Variants in LYRM1 observed in about 807,000 individuals in gnomAD.
LYRM1 encodes the protein LYR motif-containing protein 1.
Under a neutral mutation model 14.9 loss-of-function variants are expected in LYRM1, and 14 were observed. That is an observed-to-expected ratio of 0.94 (90% CI 0.62 to 1.47). The LOEUF (loss-of-function observed/expected upper bound fraction) is 1.47, where lower values mean the gene tolerates loss of function less well. LYRM1 is among the 40% of genes most tolerant of loss of function. LYRM1 has a pLI of 0.00. For missense variants in LYRM1, 153 were observed against 149.9 expected (o/e 1.02, Z -0.11); for synonymous variants, 43 against 56.2 (o/e 0.77, Z 1.05).
chr16:20,918,788 T>C (rs2083040012), intron 2 of LYRM1, among the ~76,000 whole-genome samples: 2 of 152,170 alleles, frequency 1.3e-5, no homozygotes, highest in Non-Finnish European at 2.9e-5. Flanking sequence ...AATGGGAACA[T>C]GGAACTCTTT....
chr16:20,910,501 G>C (rs2082536476), intron 1 of LYRM1, among the ~76,000 whole-genome samples: 3 of 152,316 alleles, frequency 2.0e-5, no homozygotes, highest in East Asian at 1.9e-4. Context: ...TACCTTGAGG[G>C]TATTAACCTA....
intron 1 of LYRM1, among the ~76,000 whole-genome samples, chr16:20,906,984 G>A (rs1292226964): frequency 6.6e-6 from 1 of 152,024 alleles, no homozygotes; most frequent in Middle Eastern, 3.2e-3. Flanking sequence ...TAGACTGATC[G>A]CTGCCCATTA....
At chr16:20,903,759 C>T (rs1020337322) in intron 1 of LYRM1, among the ~76,000 whole-genome samples, 9 of 151,488 alleles carry the variant, frequency 5.9e-5, no homozygotes, top group African/African-American at 1.9e-4. Flanking sequence ...GACCCCTGCA[C>T]AGAATGTGGT....
At chr16:20,920,900 A>C (rs2083151604) in intron 3 of LYRM1, among the ~76,000 whole-genome samples, 1 of 149,720 alleles carries the variant, frequency 6.7e-6, no homozygotes, top group Non-Finnish European at 1.5e-5. Flanking sequence ...AAAATAAATA[A>C]AACTTAAATT....
intron 1 of LYRM1, among the ~76,000 whole-genome samples, 195 bp from the exon 2 acceptor site, chr16:20,915,361 G>T (rs531121909): frequency 2.2e-4 from 33 of 151,840 alleles, no homozygotes; most frequent in African/African-American, 7.5e-4. Flanking sequence ...TCGGGCGGCT[G>T]AGGCAGGAGA....
chr16:20,905,880 A>C (rs1018746724), intron 1 of LYRM1, among the ~76,000 whole-genome samples: 1 of 152,202 alleles, frequency 6.6e-6, no homozygotes, highest in South Asian at 2.1e-4. Context: ...GTTAATTAGT[A>C]TTTAACCCTT....
At chr16:20,919,403 T>C (rs1269494242) in intron 2 of LYRM1, among the ~76,000 whole-genome samples, 1 of 152,196 alleles carries the variant, frequency 6.6e-6, no homozygotes, top group African/African-American at 2.4e-5. Flanking sequence ...GGTAGGAATG[T>C]AAATTGGTGT....
chr16:20,909,657 A>C (rs2082491154), intron 1 of LYRM1, among the ~76,000 whole-genome samples: 1 of 152,254 alleles, frequency 6.6e-6, no homozygotes, highest in South Asian at 2.1e-4. Flanking sequence ...CAAGCCATTA[A>C]ATCCATATTC....
At chr16:20,906,208 G>A (rs144215188) in intron 1 of LYRM1, among the ~76,000 whole-genome samples, 21 of 152,242 alleles carry the variant, frequency 1.4e-4, no homozygotes, top group Middle Eastern at 3.4e-3. Flanking sequence ...GCACATAGCC[G>A]GGACACTGAC....
At chr16:20,923,511 A>AG (rs1219610685) in intron 3 of LYRM1, among the ~76,000 whole-genome samples, 7 of 150,932 alleles carry the variant, frequency 4.6e-5, no homozygotes, top group Non-Finnish European at 1.0e-4. Context: ...AAAAAAAAAA[A>AG]AAGAAAGAAA....
In LYRM1 at chr16:20,900,864, G is replaced by T. The variant is rs1005428098; in HGVS notation, c.-26G>T. On this transcript the variant is annotated 5_prime_UTR_variant, in exon 1 of 4. Transcript: ENST00000567954. The stretch of plus-strand genomic sequence containing the variant: ...CGCCGCGGGCTGCGCGCTTCTGTGG[G>T]TGGGGGAAGGCAGGACTGACGCAGA... 1.3e-5 allele frequency: 2 copies of T among 153,280 alleles called. No individual in the cohort carries two copies. The highest frequency in any genetic ancestry group is 4.8e-5 in the African/African-American group (2 of 41,460). The allele number at this position is 153,280 out of a possible 1,614,324, so 9.5% of individuals were successfully genotyped here. A position where few individuals can be genotyped will look rare whatever the true frequency, so the allele number is the denominator to read the frequency against.
chr16:20,917,666 G>A (rs1320552169), intron 2 of LYRM1, among the ~76,000 whole-genome samples: 1 of 152,188 alleles, frequency 6.6e-6, no homozygotes, highest in Admixed American at 6.5e-5. Flanking sequence ...GCTGAGGCAC[G>A]AGAATTTCTT....
chr16:20,904,694 TGTG>T (rs1567442595), intron 1 of LYRM1, among the ~76,000 whole-genome samples: 52 of 146,946 alleles, frequency 3.5e-4, no homozygotes, highest in African/African-American at 9.3e-4. Flanking sequence ...TCTGTGGTTG[TGTG>T]TGTGTGTGTG....
At chr16:20,921,726 A>G (rs888905611) in intron 3 of LYRM1, 5 of 140,750 alleles carry the variant, frequency 3.6e-5, no homozygotes, top group African/African-American at 5.1e-5. Context: ...AAAAAAAAAA[A>G]AAAAAAATTT....
rs1448207061 is a variant in LYRM1 at position 20,901,270 on chromosome 16, C to T, written c.-1+381C>T. The T allele has an allele frequency of 6.6e-6, 1 of 152,314 alleles. No individual in the cohort carries two copies. Among genetic ancestry groups the T allele is most frequent in the Non-Finnish European group, 1.5e-5 (1 of 68,128 alleles). 9.4% of individuals were successfully genotyped at this position (152,314 alleles called of 1,614,324 possible). On this transcript the variant is annotated intron_variant, in intron 1 of 3. Coordinates refer to ENST00000567954, the MANE Select transcript of LYRM1 (RefSeq NM_001128302.3). This position sits in a 1 kb window ranked among gnomAD's most constrained non-coding sequence, Gnocchi z 4.6. The stretch of plus-strand genomic sequence containing the variant: ...AGGTCCCGTACAGGAACGGAGACTC[C>T]CTAGGACCGTGAGAGCCAGCTTCGT...
intron 1 of LYRM1, among the ~76,000 whole-genome samples, chr16:20,913,732 A>G (rs992624191): frequency 4.6e-5 from 7 of 152,188 alleles, no homozygotes; most frequent in African/African-American, 1.7e-4. Flanking sequence ...TCTTGGCCAC[A>G]TCTTCTGAAA....
At chr16:20,905,085 T>G (rs2082256545) in intron 1 of LYRM1, among the ~76,000 whole-genome samples, 1 of 152,160 alleles carries the variant, frequency 6.6e-6, no homozygotes, top group South Asian at 2.1e-4. Context: ...GAAAATCCAT[T>G]ACTACCACAA....
At chr16:20,912,745 T>A (rs1218742080) in intron 1 of LYRM1, among the ~76,000 whole-genome samples, 2 of 151,630 alleles carry the variant, frequency 1.3e-5, no homozygotes, top group Non-Finnish European at 2.9e-5. Flanking sequence ...ATAAAGCAAA[T>A]TGCAGAACTT....
At chr16:20,918,616 A>G (rs2083030492) in intron 2 of LYRM1, among the ~76,000 whole-genome samples, 1 of 152,130 alleles carries the variant, frequency 6.6e-6, no homozygotes, top group South Asian at 2.1e-4. Context: ...AGACAGCTGA[A>G]GCCCCAGAAG....
Sources: allele counts gnomAD v4.1 joint callset (sites outside exome capture counted in the v4.1 genomes callset), GRCh38; gene constraint gnomAD v4.1.1; non-coding constraint Gnocchi (gnomAD v3.1); transcripts MANE v1.5; gene names NCBI Gene and HGNC (gene_info 2026-07-23, HGNC 2026-07-21).